The following THSD4 variants were observed in gnomAD, a reference collection of about 807,000 sequenced individuals.
THSD4 encodes the protein thrombospondin type-1 domain-containing protein 4.
In THSD4, 69 loss-of-function variants were observed where a neutral mutation model predicts 119.0. The observed-to-expected ratio is 0.58, with a 90% CI of 0.48 to 0.71. THSD4 has a LOEUF of 0.71. Among genes scored for constraint, THSD4 ranks in the 30% least tolerant of loss-of-function variants. The pLI, the probability that THSD4 is intolerant of heterozygous loss-of-function variation, is 0.00. For missense variants in THSD4, 1,393 were observed against 1,391.1 expected, an observed-to-expected ratio of 1.00 and a Z score of -0.02; for synonymous variants, 524 against 540.4, an observed-to-expected ratio of 0.97 and a Z score of 0.42.
At chr15:71,600,142 A>G (rs1404839018) in intron 7 of THSD4, among the ~76,000 whole-genome samples, 2 of 152,236 alleles carry the variant, frequency 1.3e-5, no homozygotes. Context: ...AATGCTACTA[A>G]TTAGCTACAG....
At chr15:71,656,762 C>A (rs780594240) in intron 7 of THSD4, among the ~76,000 whole-genome samples, 11 of 152,202 alleles carry the variant, frequency 7.2e-5, no homozygotes, top group Admixed American at 1.3e-4. Flanking sequence ...TAGCCTTGGG[C>A]AAATTAACCT....
intron 1 of THSD4, among the ~76,000 whole-genome samples, chr15:71,127,954 G>A (rs2040469154): frequency 6.6e-6 from 1 of 152,042 alleles, no homozygotes; most frequent in Non-Finnish European, 1.5e-5. Context: ...CACTTCTGGG[G>A]TTAAATACAA....
chr15:71,745,372 T>A, intron 12 of THSD4, 137 bp downstream of exon 12: 1 of 1,207,146 alleles, frequency 8.3e-7, no homozygotes, highest in Non-Finnish European at 1.1e-6. Context: ...TAAAATGCAG[T>A]CTGTTTAGCA....
chr15:71,737,783 G>A lies in THSD4; in HGVS notation c.1682G>A (p.Gly561Glu). 6.2e-7 allele frequency: 1 copy of A among 1,614,178 alleles called. No individual in the cohort carries two copies. ...ACAGAAGGCAGGAGCCAGGAGGAGG[G>A]AGAACAGAAAGGGAGGAACGAGGAG... The part of the protein sequence containing the change: ...MVTEGRSQEE[G>E]EQKGRNEEKE... The change falls in exon 11 of 18, where the codon GGA becomes GAA. Residue 561 changes from glycine to glutamate, a missense_variant. Gly to Glu is a moderately conservative substitution (Grantham distance 98). Coordinates refer to ENST00000261862, the MANE Select transcript of THSD4 (RefSeq NM_024817.3).
chr15:71,254,584 G>A (rs1337282712), intron 5 of THSD4, among the ~76,000 whole-genome samples: 1 of 152,194 alleles, frequency 6.6e-6, no homozygotes, highest in African/African-American at 2.4e-5. Context: ...AACTCCTTAA[G>A]GTTTCTTTCT....
At chr15:71,216,736 C>T (rs1352387146) in intron 4 of THSD4, among the ~76,000 whole-genome samples, 1 of 152,212 alleles carries the variant, frequency 6.6e-6, no homozygotes. Context: ...CTCCTAAAGC[C>T]GAAGGCTAGA....
chr15:71,621,549 A>T (rs1448698769), intron 7 of THSD4, among the ~76,000 whole-genome samples: 1 of 152,236 alleles, frequency 6.6e-6, no homozygotes, highest in African/African-American at 2.4e-5. Flanking sequence ...CCTATTAAAT[A>T]ATCATGTGTA....
intron 6 of THSD4, among the ~76,000 whole-genome samples, chr15:71,406,537 ATCT>A: frequency 6.6e-6 from 1 of 152,186 alleles, no homozygotes; most frequent in East Asian, 1.9e-4. Context: ...TTCCATATTG[ATCT>A]TCTGTCTCAT....
At chr15:71,677,015 A>G (rs1285597215) in intron 8 of THSD4, among the ~76,000 whole-genome samples, 1 of 152,200 alleles carries the variant, frequency 6.6e-6, no homozygotes, top group Non-Finnish European at 1.5e-5. Context: ...TAACTTTTTG[A>G]GAAACTGCCA....
intron 8 of THSD4, among the ~76,000 whole-genome samples, chr15:71,712,307 A>G (rs1405329382): frequency 6.6e-6 from 1 of 152,212 alleles, no homozygotes; most frequent in Non-Finnish European, 1.5e-5. Context: ...GAACTTAGAA[A>G]ATATTTTCAG....
At chr15:71,569,265 G>A (rs1049236914) in intron 7 of THSD4, among the ~76,000 whole-genome samples, 2 of 152,036 alleles carry the variant, frequency 1.3e-5, no homozygotes, top group Non-Finnish European at 2.9e-5. Flanking sequence ...ATGTTTCAAG[G>A]GAAATGTTAA....
intron 6 of THSD4, among the ~76,000 whole-genome samples, chr15:71,395,605 A>T (rs909841951): frequency 6.6e-6 from 1 of 152,010 alleles, no homozygotes. Flanking sequence ...GCTGGGCATG[A>T]TGGTGCATGC....
chr15:71,164,414 C>A (rs1362998028), intron 3 of THSD4, among the ~76,000 whole-genome samples: 1 of 140,994 alleles, frequency 7.1e-6, no homozygotes, highest in South Asian at 2.3e-4. Context: ...GTTAACAGAA[C>A]AACAATTATT....
intron 7 of THSD4, among the ~76,000 whole-genome samples, chr15:71,509,762 G>A (rs2048250495): frequency 3.3e-5 from 5 of 152,160 alleles, no homozygotes; most frequent in Admixed American, 2.0e-4. Flanking sequence ...TGGATCCTAG[G>A]TAGGTGTTAA....
intron 11 of THSD4, among the ~76,000 whole-genome samples, chr15:71,740,168 C>G (rs1183222039): frequency 6.6e-6 from 1 of 151,808 alleles, no homozygotes; most frequent in East Asian, 1.9e-4. Context: ...TTCATTGGAC[C>G]AACTTCTTTT....
chr15:71,718,960 AC>A (rs2052663319), intron 8 of THSD4, among the ~76,000 whole-genome samples: 1 of 152,054 alleles, frequency 6.6e-6, no homozygotes, highest in African/African-American at 2.4e-5. Flanking sequence ...AACCCCCAAT[AC>A]TTTTTTGACC....
At chr15:71,484,233 T>C (rs1038011941) in intron 7 of THSD4, among the ~76,000 whole-genome samples, 7 of 152,238 alleles carry the variant, frequency 4.6e-5, no homozygotes, top group Non-Finnish European at 7.3e-5. Context: ...CTGATTTTAC[T>C]GACTCCACCA....
At chr15:71,745,845 A>C (rs764929799) in intron 12 of THSD4, among the ~76,000 whole-genome samples, 1 of 152,158 alleles carries the variant, frequency 6.6e-6, no homozygotes, top group East Asian at 1.9e-4. Flanking sequence ...GGGTTTTGCC[A>C]TGTTGGCCAG....
intron 11 of THSD4, among the ~76,000 whole-genome samples, chr15:71,739,830 CT>C (rs548898828): frequency 0.031 from 4,397 of 142,318 alleles, 220 homozygotes; most frequent in African/African-American, 0.1. Flanking sequence ...CTTTGCTTTG[CT>C]TTTTTTTTTT....
Sources: allele counts gnomAD v4.1 joint callset (sites outside exome capture counted in the v4.1 genomes callset), GRCh38; gene constraint gnomAD v4.1.1; transcripts MANE v1.5; gene names NCBI Gene and HGNC (gene_info 2026-07-23, HGNC 2026-07-21).